CHD1L: variants seen among roughly 807,000 people sequenced by gnomAD.
CHD1L encodes the protein chromodomain helicase DNA binding protein 1 like, also known as ATP-dependent chromatin remodeler CHD1L.
CHD1L carries 118 observed loss-of-function variants against 115.9 expected under a neutral mutation model. That is an observed-to-expected ratio of 1.02 (90% confidence interval 0.88 to 1.19). CHD1L has a LOEUF of 1.19. Ranked by LOEUF, CHD1L falls within the 50% of genes most tolerant of loss-of-function variation. CHD1L has a pLI of 0.00. For synonymous variants in CHD1L, 411 were observed against 387.1 expected (o/e 1.06, Z -0.72); for missense variants, 1,179 against 1,065.3 (o/e 1.11, Z -1.49).
chr1:147,207,058 A>G, the CHD1L span, among the ~76,000 whole-genome samples: 56,383 of 151,532 alleles, frequency 0.37, 10,914 homozygotes, highest in African/African-American at 0.5. Flanking sequence ...AAATACTATT[A>G]GGGCAACTGG....
At chr1:147,267,098 A>G (rs1553948986) in intron 8 of CHD1L, among the ~76,000 whole-genome samples, 1 of 152,226 alleles carries the variant, frequency 6.6e-6, no homozygotes, top group African/African-American at 2.4e-5. Flanking sequence ...CAAGGGAAAG[A>G]TAGTGAAATA....
At chr1:147,285,183 G>A in intron 16 of CHD1L, 141 bp from the exon 17 acceptor site, 1 of 953,344 alleles carries the variant, frequency 1.0e-6, no homozygotes, top group East Asian at 2.5e-5. Context: ...TTTGCCTCCA[G>A]TTCCCACCAT....
the CHD1L span, among the ~76,000 whole-genome samples, chr1:147,177,926 G>A: frequency 2.0e-5 from 3 of 152,066 alleles, no homozygotes; most frequent in African/African-American, 7.2e-5. Flanking sequence ...AAAGACTGAA[G>A]AACTGACAAC....
chr1:147,203,791 T>C, the CHD1L span: 1 of 1,546,388 alleles, frequency 6.5e-7, no homozygotes, highest in East Asian at 2.3e-5. Flanking sequence ...TCAGATTGTC[T>C]GTAGAGCCCC....
chr1:147,173,644 T>G, the CHD1L span: 1 of 152,240 alleles, frequency 6.6e-6, no homozygotes, highest in African/African-American at 2.4e-5. Context: ...GGTACTTACC[T>G]TTGTATTATA....
At chr1:147,205,946 C>G in the CHD1L span, among the ~76,000 whole-genome samples, 1 of 152,078 alleles carries the variant, frequency 6.6e-6, no homozygotes, top group Admixed American at 6.5e-5. Context: ...AGCTTCTGCA[C>G]AGCAAAAGAA....
chr1:147,208,944 C>T, the CHD1L span: 14 of 1,613,946 alleles, frequency 8.7e-6, no homozygotes, highest in Non-Finnish European at 1.2e-5. Context: ...GGCCACAGAT[C>T]TTCCATATAA....
At chr1:147,262,609 T>C (rs1672347044) in intron 6 of CHD1L, among the ~76,000 whole-genome samples, 1 of 152,138 alleles carries the variant, frequency 6.6e-6, no homozygotes, top group Non-Finnish European at 1.5e-5. Context: ...ATTGGAAACA[T>C]TACTTTTGAC....
At chr1:147,210,229 TTTGA>T in the CHD1L span, 4 of 152,172 alleles carry the variant, frequency 2.6e-5, no homozygotes, top group Non-Finnish European at 5.9e-5. Flanking sequence ...TTAAGAAATG[TTTGA>T]TTGATTATTT....
At chr1:147,250,623 A>G (rs1478525067) in intron 1 of CHD1L, among the ~76,000 whole-genome samples, 1 of 152,134 alleles carries the variant, frequency 6.6e-6, no homozygotes, top group African/African-American at 2.4e-5. Context: ...CTCTTATACC[A>G]TCCTGGCTGG....
the CHD1L span, chr1:147,223,891 A>G: frequency 1.4e-5 from 5 of 354,136 alleles, no homozygotes; most frequent in Non-Finnish European, 2.7e-5. Context: ...AGAAGCAGAG[A>G]CTGTTGTCCT....
intron 2 of CHD1L, among the ~76,000 whole-genome samples, chr1:147,253,268 C>T (rs6593749): frequency 0.25 from 37,999 of 151,996 alleles, 5,646 homozygotes; most frequent in East Asian, 0.59. Flanking sequence ...GTTTTGTAGA[C>T]ACATCTGGTT....
intron 19 of CHD1L, among the ~76,000 whole-genome samples, chr1:147,288,826 G>T (rs1684403853): frequency 6.6e-6 from 1 of 152,162 alleles, no homozygotes; most frequent in Admixed American, 6.5e-5. Context: ...AAAGCTGTTG[G>T]GTGCCAGGGG....
chr1:147,212,022 G>T, the CHD1L span, among the ~76,000 whole-genome samples: 2,962 of 152,230 alleles, frequency 0.019, 79 homozygotes, highest in African/African-American at 0.068. Flanking sequence ...ACTTCTGCTG[G>T]CCAATTGAAG....
chr1:147,190,623 G>A, the CHD1L span, among the ~76,000 whole-genome samples: 1,194 of 152,180 alleles, frequency 7.8e-3, 23 homozygotes, highest in African/African-American at 0.028. Flanking sequence ...AGCTGCACCT[G>A]TATTCTTGAT....
At chr1:147,205,877 C>T in the CHD1L span, among the ~76,000 whole-genome samples, 2 of 152,118 alleles carry the variant, frequency 1.3e-5, no homozygotes, top group Admixed American at 6.5e-5. Flanking sequence ...ATGTCTAAAA[C>T]ACCAAAAGCC....
chr1:147,248,806 T>G lies in CHD1L; in HGVS notation c.128-3817T>G, dbSNP rs1423621558. Among the ~76,000 whole-genome samples, 4 of 152,192 alleles carry G rather than the reference T, an allele frequency of 2.6e-5. No homozygotes were observed. In the South Asian group the frequency reaches 8.3e-4, roughly 32 times the overall value. On this transcript the variant is annotated intron_variant, in intron 1 of 22. Coordinates refer to ENST00000369258, the MANE Select transcript of CHD1L (RefSeq NM_004284.6). ...GATATTGTCATTTTACTTATTTGAG[T>G]AAAGTATGGAAACATTACTTCCCTT...
At chr1:147,207,987 C>A in the CHD1L span, among the ~76,000 whole-genome samples, 1 of 152,154 alleles carries the variant, frequency 6.6e-6, no homozygotes, top group Non-Finnish European at 1.5e-5. Flanking sequence ...CTTTCTTCAG[C>A]CTCTCAGCTT....
chr1:147,292,930 A>G (rs1486181048), intron 20 of CHD1L, among the ~76,000 whole-genome samples: 1 of 152,216 alleles, frequency 6.6e-6, no homozygotes, highest in African/African-American at 2.4e-5. Flanking sequence ...CAAACTACAC[A>G]GTGACTAACA....
Sources: gnomAD v4.1 joint callset for allele counts (sites outside exome capture counted in the v4.1 genomes callset) on GRCh38, gnomAD v4.1.1 for gene constraint, MANE v1.5 for transcripts, NCBI Gene and HGNC (gene_info 2026-07-23, HGNC 2026-07-21) for gene names.